The following LMCD1 variants were observed in gnomAD, a reference collection of about 807,000 sequenced individuals.
The protein encoded by LMCD1 is LIM and cysteine-rich domains protein 1.
In LMCD1, 32 loss-of-function variants were observed where a neutral mutation model predicts 42.7. The ratio of observed to expected loss-of-function variants is 0.75; its 90% CI spans 0.57 to 1.01. LMCD1 has a LOEUF of 1.01. Ranked by LOEUF, LMCD1 falls within the 50% of genes least tolerant of loss-of-function variation. The pLI is 0.00. For synonymous variants in LMCD1, 178 were observed against 184.9 expected (o/e 0.96, Z 0.30); for missense variants, 458 against 483.1 (o/e 0.95, Z 0.49).
intron 3 of LMCD1, among the ~76,000 whole-genome samples, chr3:8,543,443 A>ATAGG (rs59435116): frequency 7.3e-6 from 1 of 137,080 alleles, no homozygotes; most frequent in Non-Finnish European, 1.6e-5. Context: ...AGATAGATAG[A>ATAGG]CAGACAGACA....
intron 5 of LMCD1, among the ~76,000 whole-genome samples, chr3:8,566,378 G>T (rs1358631180): frequency 2.6e-5 from 4 of 152,140 alleles, no homozygotes; most frequent in African/African-American, 9.7e-5. Context: ...ATGTATGAAG[G>T]TTAGAAATGT....
Position 8,573,153 on chromosome 3 carries a change from A to G in LMCD1, c.*5555A>G, listed in dbSNP as rs868170190. 2 of 152,228 alleles carry G rather than the reference A, an allele frequency of 1.3e-5. No homozygotes were observed. The highest frequency in any genetic ancestry group is 2.4e-5 in the African/African-American group (1 of 41,458). The allele number at this position is 152,228 out of a possible 1,614,324, so 9.4% of individuals were successfully genotyped here. The stretch of plus-strand genomic sequence containing the variant: ...CTTTTCATTAGTGGGGATTTTGTCA[A>G]TTATAACCAAAAACAATGTGACGGA... On this transcript the variant is annotated 3_prime_UTR_variant, in exon 6 of 6. Coordinates refer to ENST00000157600, the MANE Select transcript of LMCD1 (RefSeq NM_014583.4).
chr3:8,561,840 G>A (rs1695043074), intron 4 of LMCD1, among the ~76,000 whole-genome samples: 2 of 150,952 alleles, frequency 1.3e-5, no homozygotes, highest in Admixed American at 6.6e-5. Context: ...ACACGCTGTA[G>A]GGACATGACA....
chr3:8,514,304 C>A (rs1694059319), intron 1 of LMCD1, among the ~76,000 whole-genome samples: 2 of 152,010 alleles, frequency 1.3e-5, no homozygotes, highest in African/African-American at 4.8e-5. Context: ...AAAACAAACG[C>A]ACAATGAGAC....
Position 8,567,615 on chromosome 3 carries a change from A to T in LMCD1, c.*17A>T. The T allele has an allele frequency of 6.2e-7, 1 of 1,603,598 alleles. No homozygotes were observed. Among genetic ancestry groups the T allele is most frequent in the Non-Finnish European group, 8.5e-7 (1 of 1,174,294 alleles). On this transcript the variant is annotated 3_prime_UTR_variant, in exon 6 of 6. Coordinates refer to ENST00000157600, the MANE Select transcript of LMCD1 (RefSeq NM_014583.4). Reference sequence around the variant, plus strand: ...CGCTCCTGAAGGGCTGCCCACCCACAGCCAGAATCCACAGGATCCCACCGA... The same window carrying T: ...CGCTCCTGAAGGGCTGCCCACCCACTGCCAGAATCCACAGGATCCCACCGA...
Position 8,501,926 on chromosome 3 carries a change from A to G in LMCD1, c.-13A>G. On this transcript the variant is annotated 5_prime_UTR_variant, in exon 1 of 6. Coordinates refer to ENST00000157600, the MANE Select transcript of LMCD1 (RefSeq NM_014583.4). ...CTGAGAAGCCAGGCGCTGTTCCCCCACCCCAGAAGAGGATGGCAAAGGTGG... is the reference window on the plus strand; with the variant it reads ...CTGAGAAGCCAGGCGCTGTTCCCCCGCCCCAGAAGAGGATGGCAAAGGTGG... 1.3e-6 allele frequency: 2 copies of G among 1,584,936 alleles called. No individual in the cohort carries two copies.
chr3:8,528,822 G>C (rs535846432), intron 1 of LMCD1, among the ~76,000 whole-genome samples: 2 of 152,196 alleles, frequency 1.3e-5, no homozygotes, highest in African/African-American at 4.8e-5. Context: ...TGAGAGAGGA[G>C]TCCCAGAGTT....
chr3:8,533,077 C>A (rs965710517), intron 2 of LMCD1, among the ~76,000 whole-genome samples: 2 of 152,058 alleles, frequency 1.3e-5, no homozygotes, highest in African/African-American at 4.8e-5. Context: ...GTAGAGTCCA[C>A]CAAACCCAGC....
At chr3:8,542,481 G>T (rs956839746) in intron 3 of LMCD1, among the ~76,000 whole-genome samples, 1 of 152,148 alleles carries the variant, frequency 6.6e-6, no homozygotes, top group African/African-American at 2.4e-5. Context: ...TGGCGAAGCC[G>T]CTGCCCCAGG....
At chr3:8,549,048 G>A (rs1246434280) in intron 4 of LMCD1, 145 bp downstream of exon 4, 1 of 612,454 alleles carries the variant, frequency 1.6e-6, no homozygotes, top group Non-Finnish European at 2.7e-6. Context: ...TGCTCATTTA[G>A]TCTGTGCCAG....
chr3:8,512,376 G>A (rs1316369037), intron 1 of LMCD1, among the ~76,000 whole-genome samples: 1 of 152,172 alleles, frequency 6.6e-6, no homozygotes, highest in African/African-American at 2.4e-5. Flanking sequence ...ATATGGCTTG[G>A]ATATCTCAGT....
At chr3:8,528,427 C>G (rs544243740) in intron 1 of LMCD1, among the ~76,000 whole-genome samples, 108 of 152,178 alleles carry the variant, frequency 7.1e-4, no homozygotes, top group African/African-American at 2.3e-3. Flanking sequence ...AGCTCCTGGC[C>G]TCAAGCAATC....
rs1381199353 is a variant in LMCD1 at position 8,501,877 on chromosome 3, C to T, written c.-62C>T. On this transcript the variant is annotated 5_prime_UTR_variant, in exon 1 of 6. Coordinates refer to ENST00000157600, the MANE Select transcript of LMCD1 (RefSeq NM_014583.4). ...TTGGCCATTCAGCCGCCGCTGTCCC[C>T]GCTGCGCGCCCTCGCGCCTCTGCCT... 4.6e-6 allele frequency: 7 copies of T among 1,507,932 alleles called. No homozygotes were observed. The highest frequency in any genetic ancestry group is 1.4e-5 in the African/African-American group (1 of 69,864). 93.4% of individuals were successfully genotyped at this position (1,507,932 alleles called of 1,614,324 possible). A position where few individuals can be genotyped will look rare whatever the true frequency, so the allele number is the denominator to read the frequency against.
intron 1 of LMCD1, among the ~76,000 whole-genome samples, chr3:8,527,798 T>C (rs184813): frequency 0.98 from 149,905 of 152,344 alleles, 73,765 homozygotes; most frequent in Middle Eastern, 1. Context: ...AGAATCACAA[T>C]TGTTGTGCAA....
intron 2 of LMCD1, among the ~76,000 whole-genome samples, chr3:8,534,469 C>G (rs984289515): frequency 6.6e-6 from 1 of 152,158 alleles, no homozygotes; most frequent in African/African-American, 2.4e-5. Context: ...CAGATTGAAG[C>G]TTGCAGGTCC....
intron 1 of LMCD1, among the ~76,000 whole-genome samples, chr3:8,517,982 G>A (rs1051697928): frequency 2.0e-5 from 3 of 151,552 alleles, no homozygotes; most frequent in Admixed American, 6.6e-5. Context: ...AGCATCTTAC[G>A]TACATTAAAA....
At chr3:8,554,660 T>C (rs1053923773) in intron 4 of LMCD1, among the ~76,000 whole-genome samples, 3 of 152,160 alleles carry the variant, frequency 2.0e-5, no homozygotes, top group Admixed American at 6.5e-5. Flanking sequence ...CTCCAAGCCC[T>C]GCGCTCCCCA....
chr3:8,545,135 T>A (rs1408217067), intron 3 of LMCD1, among the ~76,000 whole-genome samples: 3 of 152,228 alleles, frequency 2.0e-5, no homozygotes, highest in Admixed American at 2.0e-4. Flanking sequence ...ACTTTGCATA[T>A]TTTTTAATTA....
At position 8,572,624 on chromosome 3, in the gene LMCD1, A is replaced by G. The variant is rs1337587364; in HGVS notation, c.*5026A>G. On this transcript the variant is annotated 3_prime_UTR_variant, in exon 6 of 6. Coordinates refer to ENST00000157600, the MANE Select transcript of LMCD1 (RefSeq NM_014583.4). ...CTATCTTCTCCCCATTTATTAATTC[A>G]CATATTTACATCAGCTTGGAGTTAT... 1 of 152,192 alleles carries G rather than the reference A, an allele frequency of 6.6e-6. No individual in the cohort carries two copies. The highest frequency in any genetic ancestry group is 1.5e-5 in the Non-Finnish European group (1 of 68,034). The allele number at this position is 152,192 out of a possible 1,614,324, so 9.4% of individuals were successfully genotyped here.
Sources: allele counts gnomAD v4.1 joint callset (sites outside exome capture counted in the v4.1 genomes callset), GRCh38; gene constraint gnomAD v4.1.1; transcripts MANE v1.5; gene names NCBI Gene and HGNC (gene_info 2026-07-23, HGNC 2026-07-21).